The following ANGPT1 variants were observed in gnomAD, a reference collection of about 807,000 sequenced individuals.
ANGPT1 encodes the protein angiopoietin 1.
Under a neutral mutation model 62.2 loss-of-function variants are expected in ANGPT1, and 17 were observed. That is an observed-to-expected ratio of 0.27 (90% CI 0.19 to 0.41). ANGPT1 has a LOEUF of 0.41. Among genes scored for constraint, ANGPT1 ranks in the 10% least tolerant of loss-of-function variants. The pLI is 1.00. For synonymous variants in ANGPT1, 199 were observed against 198.9 expected (o/e 1.00, Z 0.00); for missense variants, 478 against 594.9 (o/e 0.80, Z 2.04).
intron 1 of ANGPT1, among the ~76,000 whole-genome samples, chr8:107,378,078 C>T (rs1816564053): frequency 6.6e-6 from 1 of 152,206 alleles, no homozygotes; most frequent in Admixed American, 6.5e-5. Context: ...ATAATATGCA[C>T]TGTAAAATAT....
intron 1 of ANGPT1, among the ~76,000 whole-genome samples, chr8:107,477,983 G>T (rs1309833556): frequency 6.6e-6 from 1 of 150,460 alleles, no homozygotes; most frequent in Non-Finnish European, 1.5e-5. Context: ...ATTGAGAGCT[G>T]GTCTTACAGG....
intron 1 of ANGPT1, among the ~76,000 whole-genome samples, chr8:107,367,562 T>C (rs1816302621): frequency 6.6e-6 from 1 of 152,188 alleles, no homozygotes; most frequent in African/African-American, 2.4e-5. Flanking sequence ...TCTCTCTCTG[T>C]CTCTCTTTGA....
intron 8 of ANGPT1, among the ~76,000 whole-genome samples, chr8:107,259,370 G>A (rs190491512): frequency 5.9e-4 from 90 of 152,170 alleles, no homozygotes; most frequent in African/African-American, 1.9e-3. Flanking sequence ...CAAAGTGAGC[G>A]TTTGTCAACT....
At chr8:107,326,351 T>C (rs1193521176) in intron 3 of ANGPT1, among the ~76,000 whole-genome samples, 1 of 152,148 alleles carries the variant, frequency 6.6e-6, no homozygotes, top group Non-Finnish European at 1.5e-5. Context: ...TTTCTTCACT[T>C]GGAGCGCCCT....
intron 1 of ANGPT1, among the ~76,000 whole-genome samples, chr8:107,385,894 G>A (rs980779904): frequency 2.0e-5 from 3 of 152,008 alleles, no homozygotes; most frequent in Non-Finnish European, 2.9e-5. Context: ...TGATCATGAG[G>A]TTTTTGTTTT....
intron 1 of ANGPT1, among the ~76,000 whole-genome samples, chr8:107,477,912 G>T (rs566292797): frequency 2.0e-5 from 3 of 151,910 alleles, no homozygotes; most frequent in African/African-American, 7.3e-5. Flanking sequence ...TAAAGACAAG[G>T]GAAAGTAAGA....
At chr8:107,426,980 G>T (rs1811056706) in intron 1 of ANGPT1, among the ~76,000 whole-genome samples, 1 of 152,116 alleles carries the variant, frequency 6.6e-6, no homozygotes, top group Non-Finnish European at 1.5e-5. Flanking sequence ...TTAAATATAT[G>T]TGTATGTATT....
At chr8:107,309,365 A>T (rs1814795713) in intron 4 of ANGPT1, among the ~76,000 whole-genome samples, 1 of 152,224 alleles carries the variant, frequency 6.6e-6, no homozygotes, top group Non-Finnish European at 1.5e-5. Flanking sequence ...TTAACTGAGC[A>T]TATAAAGGAA....
intron 1 of ANGPT1, among the ~76,000 whole-genome samples, chr8:107,415,242 G>T (rs151208125): frequency 2.0e-5 from 3 of 152,262 alleles, no homozygotes; most frequent in African/African-American, 7.2e-5. Flanking sequence ...CTAAGTGGAA[G>T]GATTTTCTCA....
At chr8:107,353,668 AATT>A (rs1210654914) in intron 1 of ANGPT1, among the ~76,000 whole-genome samples, 1 of 152,030 alleles carries the variant, frequency 6.6e-6, no homozygotes, top group Non-Finnish European at 1.5e-5. Context: ...CAAATTCTAA[AATT>A]AGTTCAGGCT....
chr8:107,340,215 G>A lies in ANGPT1; in HGVS notation c.454-3944C>T, dbSNP rs140038942. On this transcript the variant is annotated intron_variant, in intron 2 of 8. Transcript: ENST00000517746. ...ACACATTCCAAAAGCACATCTTTGGGGAAAAAAAAAGAAAATTTTTAAATA... is the reference window on the plus strand; with the variant it reads ...ACACATTCCAAAAGCACATCTTTGGAGAAAAAAAAAGAAAATTTTTAAATA... Among the ~76,000 whole-genome samples, 939 of 151,456 alleles carry A rather than the reference G, an allele frequency of 6.2e-3. 15 individuals are homozygous for A. The highest frequency in any genetic ancestry group is 0.021 in the African/African-American group (886 of 41,338).
At chr8:107,411,966 C>G (rs1425002919) in intron 1 of ANGPT1, among the ~76,000 whole-genome samples, 2 of 152,092 alleles carry the variant, frequency 1.3e-5, no homozygotes, top group Non-Finnish European at 2.9e-5. Flanking sequence ...GGTTTCTCAG[C>G]TTGTACATTC....
At position 107,497,563 on chromosome 8, in the gene ANGPT1, C is replaced by T. The variant is rs1813144818; in HGVS notation, c.-5G>A. On this transcript the variant is annotated 5_prime_UTR_variant, in exon 1 of 9. Coordinates refer to ENST00000517746, the MANE Select transcript of ANGPT1 (RefSeq NM_001146.5). ...AAAGGAAAGGAAAACTGTCATTGTACTGCCAGCACACTCCTTCCGTGCCTC... is the reference window on the plus strand; with the variant it reads ...AAAGGAAAGGAAAACTGTCATTGTATTGCCAGCACACTCCTTCCGTGCCTC... 4.3e-6 allele frequency: 7 copies of T among 1,612,262 alleles called. No individual in the cohort carries two copies. The highest frequency in any genetic ancestry group is 5.1e-6 in the Non-Finnish European group (6 of 1,178,810).
At chr8:107,306,488 A>T (rs778128910) in intron 4 of ANGPT1, among the ~76,000 whole-genome samples, 1 of 152,126 alleles carries the variant, frequency 6.6e-6, no homozygotes, top group African/African-American at 2.4e-5. Flanking sequence ...TGGTTATAGA[A>T]GTTTCAATCT....
At chr8:107,383,168 G>T (rs1816671908) in intron 1 of ANGPT1, among the ~76,000 whole-genome samples, 1 of 152,054 alleles carries the variant, frequency 6.6e-6, no homozygotes, top group South Asian at 2.1e-4. Flanking sequence ...TTTCTAATGT[G>T]GCTTCCTTCA....
At chr8:107,386,938 T>C (rs1816742693) in intron 1 of ANGPT1, among the ~76,000 whole-genome samples, 1 of 152,100 alleles carries the variant, frequency 6.6e-6, no homozygotes, top group African/African-American at 2.4e-5. Context: ...TTTGAGAGTG[T>C]ATTAATTTAT....
At chr8:107,371,321 A>G (rs1229557544) in intron 1 of ANGPT1, among the ~76,000 whole-genome samples, 1 of 152,208 alleles carries the variant, frequency 6.6e-6, no homozygotes, top group Non-Finnish European at 1.5e-5. Context: ...AGCAGCCAAT[A>G]AAATAATTTG....
intron 1 of ANGPT1, among the ~76,000 whole-genome samples, chr8:107,459,994 C>A (rs1213178324): frequency 6.6e-6 from 1 of 152,182 alleles, no homozygotes; most frequent in Non-Finnish European, 1.5e-5. Context: ...TGTTGGCAGA[C>A]TTGACCTGCC....
chr8:107,388,005 A>G (rs1186017226), intron 1 of ANGPT1, among the ~76,000 whole-genome samples: 1 of 150,806 alleles, frequency 6.6e-6, no homozygotes, highest in Non-Finnish European at 1.5e-5. Flanking sequence ...AATAAGTTAG[A>G]CAATAATTGC....
Sources: gnomAD v4.1 joint callset for allele counts (sites outside exome capture counted in the v4.1 genomes callset) on GRCh38, gnomAD v4.1.1 for gene constraint, MANE v1.5 for transcripts, NCBI Gene and HGNC (gene_info 2026-07-23, HGNC 2026-07-21) for gene names.